The following C8orf34 variants were observed in gnomAD, a reference collection of about 807,000 sequenced individuals.
C8orf34 encodes the protein chromosome 8 open reading frame 34.
Under a neutral mutation model 68.3 loss-of-function variants are expected in C8orf34, and 65 were observed. That is an observed-to-expected ratio of 0.95 (90% CI 0.78 to 1.17). The LOEUF (loss-of-function observed/expected upper bound fraction) is 1.17. Ranked by LOEUF, C8orf34 falls within the 50% of genes most tolerant of loss-of-function variation. The probability of loss-of-function intolerance (pLI) is 0.00; values close to 1 mark genes in which losing one functional copy is unlikely to be tolerated. For missense variants in C8orf34, 664 were observed against 655.4 expected (o/e 1.01, Z -0.14); for synonymous variants, 244 against 241.2 (o/e 1.01, Z -0.11).
intron 10 of C8orf34, among the ~76,000 whole-genome samples, chr8:68,734,116 A>G (rs1822060090): frequency 6.6e-6 from 1 of 152,188 alleles, no homozygotes; most frequent in African/African-American, 2.4e-5. Context: ...CTAATCGAAG[A>G]AGAAATATAA....
chr8:68,701,397 T>C (rs1821011341), intron 8 of C8orf34, among the ~76,000 whole-genome samples: 2 of 152,130 alleles, frequency 1.3e-5, no homozygotes, highest in South Asian at 4.1e-4. Context: ...AAATGCATTT[T>C]AAACTTACCA....
chr8:68,782,387 A>G (rs1341714336), intron 11 of C8orf34, among the ~76,000 whole-genome samples: 1 of 151,960 alleles, frequency 6.6e-6, no homozygotes, highest in Non-Finnish European at 1.5e-5. Context: ...TCCTTACAAT[A>G]AACACTGGTT....
At chr8:68,732,044 G>A (rs572547746) in intron 10 of C8orf34, among the ~76,000 whole-genome samples, 2 of 152,204 alleles carry the variant, frequency 1.3e-5, no homozygotes, top group Non-Finnish European at 2.9e-5. Context: ...TGATGTGAAG[G>A]TGTTGGGACA....
intron 10 of C8orf34, among the ~76,000 whole-genome samples, chr8:68,744,913 A>G (rs2129527383): frequency 6.6e-6 from 1 of 152,214 alleles, no homozygotes; most frequent in Non-Finnish European, 1.5e-5. Flanking sequence ...GAGAAGAGCA[A>G]CTCCAAGACA....
chr8:68,653,451 C>T (rs930250138), intron 8 of C8orf34, among the ~76,000 whole-genome samples: 1 of 152,160 alleles, frequency 6.6e-6, no homozygotes, highest in Non-Finnish European at 1.5e-5. Context: ...TCCTGAAAGG[C>T]TCCTGTTTTT....
rs751283731 is a variant in C8orf34 at position 68,776,418 on chromosome 8, T to C, written c.1424T>C (p.Val475Ala). The change falls in exon 11 of 14, where the codon GTA becomes GCA. Residue 475 changes from valine to alanine, a missense_variant. Coordinates refer to ENST00000518698, the MANE Select transcript of C8orf34 (RefSeq NM_052958.4). The stretch of plus-strand genomic sequence containing the variant: ...TTCTAGGGAGAAGCCTCCAGTGGAG[T>C]AGGACACTCACTGAAAAACTACATG... ...LTGPGEASSG[V>A]GHSLKNYMEE... 4 of 1,613,276 alleles carry C rather than the reference T, an allele frequency of 2.5e-6. No homozygotes were observed. In the East Asian group the frequency reaches 8.9e-5, roughly 36 times the overall value.
rs775847499 is a variant in C8orf34, at chr8:68,640,447, C to G, written c.1177C>G (p.Arg393Gly). Residue 393 changes from arginine to glycine, a missense_variant, in exon 8 of 14, where the codon CGT becomes GGT. Arg to Gly is a moderately radical substitution (Grantham distance 125). Coordinates refer to ENST00000518698, the MANE Select transcript of C8orf34 (RefSeq NM_052958.4). Reference sequence around the variant, plus strand: ...TTCTGGGAGCAAATTTAACCAAGGCCGTCCTACTTACCCTGCTGAGCCTCA... The same window carrying G: ...TTCTGGGAGCAAATTTAACCAAGGCGGTCCTACTTACCCTGCTGAGCCTCA... ...VPSGSKFNQG[R>G]PTYPAEPQAK... 1.2e-6 allele frequency: 2 copies of G among 1,613,820 alleles called. No individual in the cohort carries two copies. Among genetic ancestry groups the G allele is most frequent in the South Asian group, 2.2e-5 (2 of 91,074 alleles).
At chr8:68,477,050 T>G (rs529541099) in intron 4 of C8orf34, among the ~76,000 whole-genome samples, 1 of 152,200 alleles carries the variant, frequency 6.6e-6, no homozygotes, top group Non-Finnish European at 1.5e-5. Flanking sequence ...GAAGTTGCCA[T>G]GTCAGCTGGG....
intron 10 of C8orf34, among the ~76,000 whole-genome samples, chr8:68,764,005 T>C (rs772509097): frequency 6.6e-6 from 1 of 152,200 alleles, no homozygotes; most frequent in Non-Finnish European, 1.5e-5. Flanking sequence ...GCCTGCTCTC[T>C]GGACCTGCAT....
intron 7 of C8orf34, among the ~76,000 whole-genome samples, chr8:68,587,891 G>C (rs1211008235): frequency 1.3e-5 from 2 of 152,060 alleles, no homozygotes; most frequent in African/African-American, 4.8e-5. Context: ...ATGCAGATGT[G>C]AATGCAGTCT....
Position 68,673,324 on chromosome 8 carries a change from A to C in C8orf34, c.1241+32813A>C, listed in dbSNP as rs372200237. On this transcript the variant is annotated intron_variant, in intron 8 of 13. Coordinates refer to ENST00000518698, the MANE Select transcript of C8orf34 (RefSeq NM_052958.4). ...ATTGTGGACCCCAAGTAGACCCCTA[A>C]GTGGACTCTTGGGGTCCACAATTCC... Among the ~76,000 whole-genome samples the C allele has an allele frequency of 9.2e-5, 14 of 151,766 alleles. No homozygotes were observed. In the East Asian group the frequency reaches 2.9e-3, roughly 31 times the overall value.
intron 4 of C8orf34, 57 bp downstream of exon 4, chr8:68,468,877 A>C (rs1812261926): frequency 3.9e-6 from 6 of 1,556,058 alleles, no homozygotes; most frequent in Non-Finnish European, 5.2e-6. Flanking sequence ...AAGCCGAAGC[A>C]TTCATTACTT....
intron 1 of C8orf34, among the ~76,000 whole-genome samples, chr8:68,361,649 A>T (rs1807005153): frequency 6.6e-6 from 1 of 152,234 alleles, no homozygotes; most frequent in Non-Finnish European, 1.5e-5. Context: ...TTCTGTGGTT[A>T]ACCACATTGT....
intron 1 of C8orf34, among the ~76,000 whole-genome samples, chr8:68,367,907 G>GTAAAGAAAA (rs1807359808): frequency 6.7e-5 from 1 of 15,034 alleles, no homozygotes; most frequent in Non-Finnish European, 1.3e-4. Flanking sequence ...AATAAAAAAA[G>GTAAAGAAAA]AAAAGAAAAA....
At chr8:68,646,130 T>C (rs932915532) in intron 8 of C8orf34, among the ~76,000 whole-genome samples, 2 of 152,160 alleles carry the variant, frequency 1.3e-5, no homozygotes, top group Non-Finnish European at 2.9e-5. Flanking sequence ...TCTTTTGTTA[T>C]AGGAGTGTCA....
intron 5 of C8orf34, among the ~76,000 whole-genome samples, chr8:68,494,137 T>C (rs1813424706): frequency 1.3e-5 from 2 of 152,124 alleles, no homozygotes; most frequent in Non-Finnish European, 2.9e-5. Flanking sequence ...GACAGATGAA[T>C]GGATAAACAA....
intron 8 of C8orf34, among the ~76,000 whole-genome samples, chr8:68,641,137 A>T (rs1818996603): frequency 6.6e-6 from 1 of 152,222 alleles, no homozygotes; most frequent in Non-Finnish European, 1.5e-5. Flanking sequence ...GCCTGTTTAA[A>T]TGATGAAACA....
intron 1 of C8orf34, among the ~76,000 whole-genome samples, chr8:68,380,851 A>G (rs574151213): frequency 3.3e-5 from 5 of 152,368 alleles, no homozygotes; most frequent in Admixed American, 2.6e-4. Context: ...ACATTCATGT[A>G]TCTCAGAAGA....
intron 8 of C8orf34, among the ~76,000 whole-genome samples, chr8:68,667,469 G>C (rs952120152): frequency 2.0e-5 from 3 of 152,056 alleles, no homozygotes; most frequent in Non-Finnish European, 2.9e-5. Context: ...AGATTTTCCT[G>C]TTAAGTCCAG....
Sources: allele counts gnomAD v4.1 joint callset (sites outside exome capture counted in the v4.1 genomes callset), GRCh38; gene constraint gnomAD v4.1.1; transcripts MANE v1.5; gene names NCBI Gene and HGNC (gene_info 2026-07-23, HGNC 2026-07-21).